Variants in FSTL5 observed in about 807,000 individuals in gnomAD.
FSTL5 encodes follistatin-related protein 5.
In FSTL5, 62 loss-of-function variants were observed where a neutral mutation model predicts 89.1. The observed-to-expected ratio is 0.70, with a 90% CI of 0.57 to 0.86. FSTL5 has a LOEUF of 0.86. FSTL5 is among the 40% of genes least tolerant of loss of function. FSTL5 has a pLI of 0.00. For missense variants in FSTL5, 1,057 were observed against 1,001.6 expected, an observed-to-expected ratio of 1.06 and a Z score of -0.75; for synonymous variants, 383 against 346.2, an observed-to-expected ratio of 1.11 and a Z score of -1.18.
chr4:161,776,268 A>C (rs1489163659), intron 4 of FSTL5, among the ~76,000 whole-genome samples, 194 bp from the exon 5 acceptor site: 1 of 152,100 alleles, frequency 6.6e-6, no homozygotes, highest in Non-Finnish European at 1.5e-5. Flanking sequence ...TTTTATCTCT[A>C]TCAAATCTGA....
In FSTL5 at chr4:161,737,583, A is replaced by C. The variant is rs151170307; in HGVS notation, c.727+21828T>G. 2.0e-4 allele frequency among the ~76,000 whole-genome samples: 30 copies of C among 152,214 alleles called. No individual in the cohort carries two copies. In the East Asian group the frequency reaches 5.0e-3, roughly 25 times the overall value. On this transcript the variant is annotated intron_variant, in intron 6 of 15. Coordinates refer to ENST00000306100, the MANE Select transcript of FSTL5 (RefSeq NM_020116.5). ...GCCCATTTCTCACCAGTTGAGCACA[A>C]GTATGAAGTAGCTCTCATGCATTAT...
intron 3 of FSTL5, among the ~76,000 whole-genome samples, chr4:162,014,567 A>G: frequency 6.6e-6 from 1 of 152,242 alleles, no homozygotes; most frequent in East Asian, 1.9e-4. Flanking sequence ...AGACCATAAA[A>G]GAAAGCATAA....
chr4:162,117,978 A>C lies in FSTL5; in HGVS notation c.-16-6566T>G, dbSNP rs904538727. Among the ~76,000 whole-genome samples, 3 of 152,184 alleles carry C rather than the reference A, an allele frequency of 2.0e-5. No homozygotes were observed. The East Asian group carries it at 5.8e-4, about 29-fold the overall frequency. ...CAAGTGAGTCGAAAAATTAAGTTGC[A>C]GTTATCGCAAAAAGCCCTTTCTTTT... On this transcript the variant is annotated intron_variant, in intron 1 of 15. Coordinates refer to ENST00000306100, the MANE Select transcript of FSTL5 (RefSeq NM_020116.5).
At chr4:161,875,504 G>A (rs1267417550) in intron 4 of FSTL5, among the ~76,000 whole-genome samples, 2 of 152,138 alleles carry the variant, frequency 1.3e-5, no homozygotes, top group African/African-American at 2.4e-5. Flanking sequence ...AGTTTCATGA[G>A]ATGAACGTGA....
intron 3 of FSTL5, among the ~76,000 whole-genome samples, chr4:162,003,535 A>C (rs1288601204): frequency 6.6e-6 from 1 of 152,210 alleles, no homozygotes; most frequent in South Asian, 2.1e-4. Context: ...GAAGGAAAGA[A>C]AGAACACAGC....
intron 7 of FSTL5, among the ~76,000 whole-genome samples, chr4:161,618,126 T>C (rs1190497636): frequency 6.8e-6 from 1 of 148,126 alleles, no homozygotes; most frequent in South Asian, 2.3e-4. Flanking sequence ...TCTCTGTTTG[T>C]CTGTTATTGG....
intron 1 of FSTL5, among the ~76,000 whole-genome samples, chr4:162,146,774 T>TCTCTC (rs1733014078): frequency 1.9e-5 from 2 of 107,910 alleles, no homozygotes; most frequent in Non-Finnish European, 4.3e-5. Flanking sequence ...CTCTCTCTCT[T>TCTCTC]TCTTTCTTTG....
chr4:162,111,260 A>T lies in FSTL5; in HGVS notation c.126+11T>A. On this transcript the variant is annotated intron_variant, in intron 2 of 15. Transcript: ENST00000306100. ...CAGGCACTATGAGCAGATTCAGAAT[A>T]TTGACTGTACCTTATGTCGCAATCT... is the stretch of plus-strand genomic sequence containing the variant. 1 of 1,592,780 alleles carries T rather than the reference A, an allele frequency of 6.3e-7. No homozygotes were observed. Among genetic ancestry groups the T allele is most frequent in the South Asian group, 1.1e-5 (1 of 87,952 alleles).
intron 1 of FSTL5, among the ~76,000 whole-genome samples, chr4:162,126,249 C>T (rs1333199418): frequency 6.6e-6 from 1 of 151,944 alleles, no homozygotes; most frequent in African/African-American, 2.4e-5. Flanking sequence ...CAATAAAAGG[C>T]AACATGTCCC....
At chr4:161,420,820 C>T (rs981084006) in intron 15 of FSTL5, among the ~76,000 whole-genome samples, 18 of 149,826 alleles carry the variant, frequency 1.2e-4, no homozygotes, top group Non-Finnish European at 2.5e-4. Flanking sequence ...TATATAAATA[C>T]ATGAGATTTA....
chr4:161,779,771 A>T (rs1268480238), intron 4 of FSTL5, among the ~76,000 whole-genome samples: 1 of 19,048 alleles, frequency 5.2e-5, no homozygotes, highest in Non-Finnish European at 1.2e-4. Flanking sequence ...ATATATATAT[A>T]TATGTATATA....
At chr4:161,810,201 C>G (rs149754294) in intron 4 of FSTL5, among the ~76,000 whole-genome samples, 2 of 151,912 alleles carry the variant, frequency 1.3e-5, no homozygotes, top group African/African-American at 2.4e-5. Flanking sequence ...AAAGTAAGAA[C>G]AATATTAAAA....
intron 7 of FSTL5, among the ~76,000 whole-genome samples, chr4:161,652,381 G>C (rs981167123): frequency 6.6e-6 from 1 of 152,106 alleles, no homozygotes; most frequent in Admixed American, 6.6e-5. Flanking sequence ...GCTACAGTGA[G>C]CTGTGATTCT....
intron 6 of FSTL5, among the ~76,000 whole-genome samples, chr4:161,730,069 G>C (rs530494032): frequency 3.0e-4 from 46 of 152,304 alleles, no homozygotes; most frequent in Non-Finnish European, 5.1e-4. Flanking sequence ...TTGTATGTGT[G>C]TGTGTTTTAT....
At position 161,469,166 on chromosome 4, in the gene FSTL5, C is replaced by T. The variant is rs1733845259; in HGVS notation, c.1609-9847G>A. 2.6e-5 allele frequency among the ~76,000 whole-genome samples: 4 copies of T among 152,278 alleles called. No individual in the cohort carries two copies. The South Asian group carries it at 6.2e-4, about 24-fold the overall frequency. ...TCTAATTACCTCATATAAATGGAAT[C>T]AGACAGTTTTTGTCTTATTATGACT... On this transcript the variant is annotated intron_variant, in intron 13 of 15. Coordinates refer to ENST00000306100, the MANE Select transcript of FSTL5 (RefSeq NM_020116.5).
chr4:161,486,177 G>A (rs1211173102), intron 12 of FSTL5, among the ~76,000 whole-genome samples: 1 of 151,066 alleles, frequency 6.6e-6, no homozygotes, highest in Non-Finnish European at 1.5e-5. Flanking sequence ...TAAATATCTG[G>A]TTCTCTGCGT....
At chr4:161,391,043 G>T (rs976264770) in intron 15 of FSTL5, among the ~76,000 whole-genome samples, 16 of 152,168 alleles carry the variant, frequency 1.1e-4, no homozygotes, top group Non-Finnish European at 1.0e-4. Context: ...GTAGTGAGGG[G>T]TGATTAGGTG....
intron 8 of FSTL5, among the ~76,000 whole-genome samples, chr4:161,549,845 G>A (rs1732138627): frequency 6.6e-6 from 1 of 151,926 alleles, no homozygotes; most frequent in African/African-American, 2.4e-5. Flanking sequence ...TCAAATATGT[G>A]CAAAGTTAAT....
intron 6 of FSTL5, among the ~76,000 whole-genome samples, chr4:161,671,514 A>G (rs1385250435): frequency 6.6e-6 from 1 of 152,190 alleles, no homozygotes; most frequent in Non-Finnish European, 1.5e-5. Flanking sequence ...CTATTCATTG[A>G]AACATTACTT....
Sources: gnomAD v4.1 joint callset for allele counts (sites outside exome capture counted in the v4.1 genomes callset) on GRCh38, gnomAD v4.1.1 for gene constraint, MANE v1.5 for transcripts, NCBI Gene and HGNC (gene_info 2026-07-23, HGNC 2026-07-21) for gene names.